MYCBP2: variants seen among roughly 807,000 people sequenced by gnomAD.
MYCBP2 encodes MYC binding protein 2.
MYCBP2 carries 120 observed loss-of-function variants against 525.3 expected under a neutral mutation model. That is an observed-to-expected ratio of 0.23 (90% CI 0.20 to 0.27). The LOEUF is 0.27. Ranked by LOEUF, MYCBP2 falls within the 10% of genes least tolerant of loss-of-function variation. The probability of loss-of-function intolerance (pLI) is 1.00; values close to 1 mark genes in which losing one functional copy is unlikely to be tolerated. For missense variants in MYCBP2, 4,149 were observed against 5,657.1 expected (o/e 0.73, Z 8.55); for synonymous variants, 1,894 against 1,955.8 (o/e 0.97, Z 0.83).
chr13:77,240,371 G>A (rs1443249047), intron 17 of MYCBP2, among the ~76,000 whole-genome samples: 9 of 152,168 alleles, frequency 5.9e-5, no homozygotes, highest in Non-Finnish European at 1.0e-4. Flanking sequence ...ACTTTGGGAG[G>A]CTGAGGCAGG....
chr13:77,126,222 CCTGTGGT>C, intron 53 of MYCBP2, 89 bp downstream of exon 53: 1 of 951,550 alleles, frequency 1.1e-6, no homozygotes, highest in Non-Finnish European at 1.6e-6. Flanking sequence ...CATTGAAAAA[CCTGTGGT>C]AGAAATGGCA....
At chr13:77,278,700 C>T in intron 4 of MYCBP2, 58 bp downstream of exon 4, 1 of 1,365,896 alleles carries the variant, frequency 7.3e-7, no homozygotes. Context: ...GTGTACAATA[C>T]TCTATTATTA....
In MYCBP2 at chr13:77,232,223, AG is replaced by A. The variant is rs1289761913; in HGVS notation, c.2737+932del. On this transcript the variant is annotated intron_variant, in intron 18 of 82. Transcript: ENST00000544440. ...CTATGACAATTTTGCAGCAAAAAAA[AG>A]AAAAGGATCCAAACATTAATTAGAT... 1.4e-4 allele frequency among the ~76,000 whole-genome samples: 22 copies of A among 152,282 alleles called. No homozygotes were observed. In the East Asian group the frequency reaches 4.2e-3, roughly 29 times the overall value.
At chr13:77,264,851 A>G (rs1320626027) in intron 8 of MYCBP2, among the ~76,000 whole-genome samples, 1 of 151,470 alleles carries the variant, frequency 6.6e-6, no homozygotes, top group African/African-American at 2.4e-5. Flanking sequence ...ACAAATTTTC[A>G]GCAAGCAAGT....
rs746268379 is a variant in MYCBP2, at chr13:77,047,653, G to T, written c.13922-2160C>A. Among the ~76,000 whole-genome samples, 73 of 152,178 alleles carry T rather than the reference G, an allele frequency of 4.8e-4. 2 individuals carry two copies. The highest frequency in any genetic ancestry group is 1.6e-4 in the Non-Finnish European group (11 of 68,032). ...TGAGGGAACTAGCACAGGGCATTGT[G>T]CCTAAAGACATGCCCACGGCTGCAC... On this transcript the variant is annotated intron_variant, in intron 82 of 82. Transcript: ENST00000544440.
Position 77,174,461 on chromosome 13 carries a change from C to T in MYCBP2, c.5501G>A (p.Arg1834Lys). The T allele has an allele frequency of 6.2e-7, 1 of 1,613,942 alleles. No individual in the cohort carries two copies. The highest frequency in any genetic ancestry group is 8.5e-7 in the Non-Finnish European group (1 of 1,179,896). Residue 1834 changes from arginine to lysine, a missense_variant, in exon 37 of 83, where the codon AGG becomes AAG. Arg to Lys is a conservative substitution (Grantham distance 26). Coordinates refer to ENST00000544440, the MANE Select transcript of MYCBP2 (RefSeq NM_015057.5). Reference protein sequence around the residue: ...KENVKYAVRLRNYGSRTANGD... With the variant: ...KENVKYAVRLKNYGSRTANGD... ...ATTGGCTGTACGGCTTCCATAGTTC[C>T]TCAAGCGCACAGCATATTTAACATT...
In MYCBP2 at chr13:77,061,281, T is replaced by C; in HGVS notation, c.12924A>G (p.Glu4308=). Residue 4308 remains glutamate, a synonymous_variant, in exon 76 of 83, where the codon GAA becomes GAG. Transcript: ENST00000544440. ...HQRQVFKEEE[E]AIKVDLHEGC... Reference sequence around the variant, plus strand: ...CTTCATGAAGGTCAACCTTTATAGCTTCTTCTTCTTCTTTGAAGACCTATT... The same window carrying C: ...CTTCATGAAGGTCAACCTTTATAGCCTCTTCTTCTTCTTTGAAGACCTATT... 6.3e-7 allele frequency: 1 copy of C among 1,595,056 alleles called. No homozygotes were observed. The highest frequency in any genetic ancestry group is 1.1e-5 in the South Asian group (1 of 87,946).
intron 26 of MYCBP2, among the ~76,000 whole-genome samples, chr13:77,195,591 T>TA (rs36069703): frequency 0.46 from 69,367 of 151,230 alleles, 19,796 homozygotes; most frequent in Non-Finnish European, 0.64. Context: ...AAGAGACTCT[T>TA]AAAAAAAAAT....
At chr13:77,316,867 C>T (rs11842224) in intron 1 of MYCBP2, among the ~76,000 whole-genome samples, 2,043 of 150,446 alleles carry the variant, frequency 0.014, 47 homozygotes, top group African/African-American at 0.046. Context: ...GCCAAACCTC[C>T]ATGCTCCACT....
chr13:77,134,007 T>C (rs999678258), intron 52 of MYCBP2, among the ~76,000 whole-genome samples: 1 of 152,166 alleles, frequency 6.6e-6, no homozygotes, highest in Admixed American at 6.6e-5. Flanking sequence ...TATTTATTAC[T>C]AACAAGAATG....
At position 77,058,711 on chromosome 13, in the gene MYCBP2, G is replaced by A; in HGVS notation, c.13141-305C>T. Among the ~76,000 whole-genome samples, 1 of 152,092 alleles carries A rather than the reference G, an allele frequency of 6.6e-6. No homozygotes were observed. The highest frequency in any genetic ancestry group is 1.9e-4 in the East Asian group (1 of 5,194). On this transcript the variant is annotated intron_variant, in intron 77 of 82. Coordinates refer to ENST00000544440, the MANE Select transcript of MYCBP2 (RefSeq NM_015057.5). The surrounding 1 kb of genome is among the most constrained non-coding windows in gnomAD (Gnocchi z 4.1). ...TATAAAGCAAAAAGTTCCTGGCTGG[G>A]AGTCGTGGCTTACACCTGTAATCCC... is the stretch of plus-strand genomic sequence containing the variant.
chr13:77,250,231 A>AC (rs1416430457), intron 15 of MYCBP2, among the ~76,000 whole-genome samples: 1 of 152,006 alleles, frequency 6.6e-6, no homozygotes, highest in Non-Finnish European at 1.5e-5. Flanking sequence ...TCAAAAAAAA[A>AC]AAAAAAATCA....
chr13:77,167,790 T>C (rs1435077168), intron 40 of MYCBP2, among the ~76,000 whole-genome samples: 3 of 152,220 alleles, frequency 2.0e-5, no homozygotes, highest in Non-Finnish European at 4.4e-5. Flanking sequence ...CAGTTGAAAC[T>C]GCTGAATCTG....
intron 68 of MYCBP2, chr13:77,075,848 T>C (rs1459875146): frequency 3.3e-5 from 5 of 152,184 alleles, no homozygotes; most frequent in South Asian, 2.1e-4. Context: ...CCAAAAGATG[T>C]TGAAAGAAGT....
At chr13:77,057,343 A>AT (rs1340333923) in intron 78 of MYCBP2, among the ~76,000 whole-genome samples, 1 of 152,232 alleles carries the variant, frequency 6.6e-6, no homozygotes. Flanking sequence ...TGCCACTTAT[A>AT]TAAAGTAAGC....
At chr13:77,127,538 T>C (rs1225613097) in intron 52 of MYCBP2, among the ~76,000 whole-genome samples, 3 of 151,930 alleles carry the variant, frequency 2.0e-5, no homozygotes, top group Non-Finnish European at 4.4e-5. Context: ...CTATAATTTA[T>C]TTCATATTCA....
chr13:77,097,834 G>C lies in MYCBP2; in HGVS notation c.9320C>G (p.Pro3107Arg). 6.2e-7 allele frequency: 1 copy of C among 1,613,602 alleles called. No individual in the cohort carries two copies. Among genetic ancestry groups the C allele is most frequent in the Non-Finnish European group, 8.5e-7 (1 of 1,179,818 alleles). ...LNMFNIAPHG[P>R]DISKMGSINK... is the part of the protein sequence containing the mutation. ...GATGCTACCCATCTTAGATATATCTGGTCCATGGGGTGCAATATTAAACAT... is the reference window on the plus strand; with the variant it reads ...GATGCTACCCATCTTAGATATATCTCGTCCATGGGGTGCAATATTAAACAT... Residue 3107 changes from proline (P) to arginine (R), a missense_variant, in exon 56 of 83, where the codon CCA (proline) becomes CGA (arginine). Physicochemically the swap from Pro to Arg is moderately radical, Grantham distance 103. Around this residue, in one of 21 missense-constraint regions of MYCBP2, gnomAD observed 653 missense variants for 744.7 expected, o/e 0.88. Coordinates refer to ENST00000544440, the MANE Select transcript of MYCBP2 (RefSeq NM_015057.5).
At chr13:77,065,118 G>A (rs1322610655) in intron 72 of MYCBP2, among the ~76,000 whole-genome samples, 1 of 152,060 alleles carries the variant, frequency 6.6e-6, no homozygotes, top group South Asian at 2.1e-4. Flanking sequence ...AGTATTACAG[G>A]AACCTAAAAT....
In MYCBP2 at chr13:77,169,592, G is replaced by A. The variant is rs749105458; in HGVS notation, c.5895+22C>T. The A allele has an allele frequency of 2.5e-6, 4 of 1,572,482 alleles. No individual in the cohort carries two copies. The African/African-American group carries it at 5.4e-5, about 21-fold the overall frequency. On this transcript the variant is annotated intron_variant, in intron 39 of 82. Coordinates refer to ENST00000544440, the MANE Select transcript of MYCBP2 (RefSeq NM_015057.5). Reference sequence around the variant, plus strand: ...AAGATATTTAAAAAAAACATTCAAAGTTATAGAATTAAATTACACACCTTG... The same window carrying A: ...AAGATATTTAAAAAAAACATTCAAAATTATAGAATTAAATTACACACCTTG...
Sources: gnomAD v4.1 joint callset for allele counts (sites outside exome capture counted in the v4.1 genomes callset) on GRCh38, gnomAD v4.1.1 for gene constraint, gnomAD v4.1.1 regional missense constraint, Gnocchi (gnomAD v3.1) non-coding constraint, MANE v1.5 for transcripts, NCBI Gene and HGNC (gene_info 2026-07-23, HGNC 2026-07-21) for gene names.